The following MRPS25 variants were observed in gnomAD, a reference collection of about 807,000 sequenced individuals.
MRPS25 encodes mitochondrial ribosomal protein S25.
In MRPS25, 15 loss-of-function variants were observed where a neutral mutation model predicts 17.3. The ratio of observed to expected loss-of-function variants is 0.87; its 90% CI spans 0.58 to 1.34. MRPS25 has a LOEUF of 1.34. Ranked by LOEUF, MRPS25 falls within the 40% of genes most tolerant of loss-of-function variation. The probability of loss-of-function intolerance (pLI) is 0.00; values close to 1 mark genes in which losing one functional copy is unlikely to be tolerated. For synonymous variants in MRPS25, 94 were observed against 83.3 expected (o/e 1.13, Z -0.70); for missense variants, 225 against 218.6 (o/e 1.03, Z -0.19).
At position 15,051,394 on chromosome 3, in the gene MRPS25, G is replaced by A. The variant is rs953731645; in HGVS notation, c.*1047C>T. On this transcript the variant is annotated 3_prime_UTR_variant, in exon 4 of 4. Transcript: ENST00000253686. ...AGACAAGGTCTTGCCATGTTGCCCA[G>A]GCTGGTCTCGAACTCCTGGGCTCAA... is the stretch of plus-strand genomic sequence containing the variant. 3 of 675,874 alleles carry A rather than the reference G, an allele frequency of 4.4e-6. No homozygotes were observed. Among genetic ancestry groups the A allele is most frequent in the Non-Finnish European group, 5.5e-6 (3 of 547,260 alleles). 41.9% of individuals were successfully genotyped at this position (675,874 alleles called of 1,614,324 possible).
rs1276299362 is a variant in MRPS25 at position 15,051,860 on chromosome 3, C to T, written c.*581G>A. The T allele has an allele frequency of 2.0e-6, 2 of 985,394 alleles. No homozygotes were observed. Among genetic ancestry groups the T allele is most frequent in the East Asian group, 2.3e-4 (2 of 8,804 alleles). The allele number at this position is 985,394 out of a possible 1,614,324, so 61.0% of individuals were successfully genotyped here. A position where few individuals can be genotyped will look rare whatever the true frequency, so the allele number is the denominator to read the frequency against. ...GGCCTGTCAGCCACTGGGGCTCCTCCATCTCTGGCCCATGGCTAGGCCCCC... is the reference window on the plus strand; with the variant it reads ...GGCCTGTCAGCCACTGGGGCTCCTCTATCTCTGGCCCATGGCTAGGCCCCC... On this transcript the variant is annotated 3_prime_UTR_variant, in exon 4 of 4. Coordinates refer to ENST00000253686, the MANE Select transcript of MRPS25 (RefSeq NM_022497.5).
chr3:15,059,090 T>A (rs1333015660), intron 2 of MRPS25, among the ~76,000 whole-genome samples: 1 of 151,520 alleles, frequency 6.6e-6, no homozygotes, highest in African/African-American at 2.4e-5. Context: ...AGGAACAATC[T>A]TGAGCAAAGG....
intron 2 of MRPS25, among the ~76,000 whole-genome samples, chr3:15,054,288 T>C (rs948730453): frequency 2.0e-5 from 3 of 152,136 alleles, no homozygotes; most frequent in East Asian, 1.9e-4. Context: ...GTAAGGTCAA[T>C]TGCTTTTCAG....
downstream of MRPS25, chr3:15,048,428 T>C (rs1236205522): frequency 2.0e-5 from 3 of 152,650 alleles, no homozygotes; most frequent in South Asian, 2.1e-4. Flanking sequence ...TTAAGAAAAG[T>C]ATCTTTGCGG....
At chr3:15,054,867 G>A (rs900206949) in intron 2 of MRPS25, among the ~76,000 whole-genome samples, 1 of 152,070 alleles carries the variant, frequency 6.6e-6, no homozygotes, top group Non-Finnish European at 1.5e-5. Context: ...AATAAAATGG[G>A]CAAAATATCT....
At chr3:15,059,547 T>C in intron 1 of MRPS25, 72 bp from the exon 2 acceptor site, 1 of 1,010,262 alleles carries the variant, frequency 9.9e-7, no homozygotes. Flanking sequence ...GGTATTTTTC[T>C]AGGGAGAAAG....
chr3:15,059,562 G>A (rs2042721408), intron 1 of MRPS25, 87 bp from the exon 2 acceptor site: 1 of 892,432 alleles, frequency 1.1e-6, no homozygotes, highest in Admixed American at 2.1e-5. Flanking sequence ...AGAAAGCCCA[G>A]CATTTTCATC....
At chr3:15,059,897 AAC>A (rs1019885131) in intron 1 of MRPS25, among the ~76,000 whole-genome samples, 17 of 152,142 alleles carry the variant, frequency 1.1e-4, no homozygotes, top group African/African-American at 3.4e-4. Context: ...CACATGGGGG[AAC>A]AGTTTTACAA....
chr3:15,045,202 T>G (rs1017845797), downstream of MRPS25: 4 of 152,308 alleles, frequency 2.6e-5, no homozygotes, highest in East Asian at 5.8e-4. Context: ...CTTCCGTCGT[T>G]TTGATCCTTG....
intron 1 of MRPS25, among the ~76,000 whole-genome samples, chr3:15,061,078 A>G (rs1334542189): frequency 1.3e-5 from 2 of 152,154 alleles, no homozygotes; most frequent in Non-Finnish European, 2.9e-5. Flanking sequence ...CAAATAAACT[A>G]GGACATAGCC....
At chr3:15,058,580 G>C (rs1433499927) in intron 2 of MRPS25, among the ~76,000 whole-genome samples, 1 of 152,184 alleles carries the variant, frequency 6.6e-6, no homozygotes, top group East Asian at 1.9e-4. Flanking sequence ...GTGGCTTCCT[G>C]ACATCCCAGC....
At chr3:15,045,335 C>T (rs2042411768), downstream of MRPS25, 1 of 152,638 alleles carries the variant, frequency 6.6e-6, no homozygotes. Flanking sequence ...CCAGGTCATT[C>T]AGTGGCAGCC....
At position 15,051,159 on chromosome 3, in the gene MRPS25, G is replaced by A. The variant is rs2042599335; in HGVS notation, c.*1282C>T. The stretch of plus-strand genomic sequence containing the variant: ...TTTCTAGGGGTCCGTGGTCCAACTG[G>A]TCCTTCACTTTATAATTAAACTTAT... On this transcript the variant is annotated 3_prime_UTR_variant, in exon 4 of 4. Coordinates refer to ENST00000253686, the MANE Select transcript of MRPS25 (RefSeq NM_022497.5). 9 of 985,104 alleles carry A rather than the reference G, an allele frequency of 9.1e-6. No individual in the cohort carries two copies. The highest frequency in any genetic ancestry group is 1.1e-5 in the Non-Finnish European group (9 of 829,896). 61.0% of individuals were successfully genotyped at this position (985,104 alleles called of 1,614,324 possible).
At chr3:15,045,575 T>C (rs1048368410), downstream of MRPS25, 1 of 152,672 alleles carries the variant, frequency 6.5e-6, no homozygotes, top group Admixed American at 6.5e-5. Flanking sequence ...TCTTTAAGGA[T>C]CATGTCCACG....
intron 1 of MRPS25, among the ~76,000 whole-genome samples, chr3:15,062,006 G>A (rs1313415952): frequency 6.6e-6 from 1 of 150,480 alleles, no homozygotes; most frequent in Non-Finnish European, 1.5e-5. Context: ...GAAGTGAGGA[G>A]CGTCTCCGCC....
chr3:15,051,725 G>C lies in MRPS25; in HGVS notation c.*716C>G. ...GGCCCCAATGTCTCCACTAGGTGGT[G>C]TCTCCTCATTTCCTCCATGGCCTAC... On this transcript the variant is annotated 3_prime_UTR_variant, in exon 4 of 4. Transcript: ENST00000253686. The C allele has an allele frequency of 1.0e-6, 1 of 985,396 alleles. No individual in the cohort carries two copies. The highest frequency in any genetic ancestry group is 1.2e-6 in the Non-Finnish European group (1 of 830,040). 61.0% of individuals were successfully genotyped at this position (985,396 alleles called of 1,614,324 possible). A position where few individuals can be genotyped will look rare whatever the true frequency, so the allele number is the denominator to read the frequency against.
At chr3:15,052,810 G>A (rs1414428867) in intron 3 of MRPS25, among the ~76,000 whole-genome samples, 177 bp from the exon 4 acceptor site, 3 of 152,128 alleles carry the variant, frequency 2.0e-5, no homozygotes, top group South Asian at 2.1e-4. Context: ...TGAGGAGAGC[G>A]CTGAAAGAAG....
Position 15,050,113 on chromosome 3 carries a change from A to G in MRPS25, c.*2328T>C, listed in dbSNP as rs1195357592. ...CTACTAAACAAAATAGGGAAAGACA[A>G]AGGTTTAAAGAGAAACTATCCAGGA... On this transcript the variant is annotated 3_prime_UTR_variant, in exon 4 of 4. Transcript: ENST00000253686. 16 of 1,382,732 alleles carry G rather than the reference A, an allele frequency of 1.2e-5. No individual in the cohort carries two copies. Among genetic ancestry groups the G allele is most frequent in the Non-Finnish European group, 1.5e-5 (16 of 1,080,782 alleles). 85.7% of individuals were successfully genotyped at this position (1,382,732 alleles called of 1,614,324 possible). A position where few individuals can be genotyped will look rare whatever the true frequency, so the allele number is the denominator to read the frequency against.
chr3:15,054,212 A>G (rs1008616327), intron 2 of MRPS25, among the ~76,000 whole-genome samples: 4 of 147,920 alleles, frequency 2.7e-5, no homozygotes, highest in African/African-American at 9.9e-5. Flanking sequence ...CTTTGTCTCG[A>G]AAAAAAAAAA....
Sources: allele counts gnomAD v4.1 joint callset (sites outside exome capture counted in the v4.1 genomes callset), GRCh38; gene constraint gnomAD v4.1.1; transcripts MANE v1.5; gene names NCBI Gene and HGNC (gene_info 2026-07-23, HGNC 2026-07-21).